FAM184B: variants seen among roughly 807,000 people sequenced by gnomAD.
The protein encoded by FAM184B is protein FAM184B.
A neutral mutation model predicts 135.9 loss-of-function variants in FAM184B; 111 were observed. The observed-to-expected ratio is 0.82, with a 90% CI of 0.70 to 0.96. The LOEUF is 0.96. Ranked by LOEUF, FAM184B falls within the 40% of genes least tolerant of loss-of-function variation. The pLI, the probability that FAM184B is intolerant of heterozygous loss-of-function variation, is 0.00. For missense variants in FAM184B, 1,375 were observed against 1,323.9 expected, an observed-to-expected ratio of 1.04 and a Z score of -0.60; for synonymous variants, 552 against 524.8, an observed-to-expected ratio of 1.05 and a Z score of -0.71.
At chr4:17,742,886 C>T (rs894139995) in intron 1 of FAM184B, among the ~76,000 whole-genome samples, 1 of 152,258 alleles carries the variant, frequency 6.6e-6, no homozygotes, top group Admixed American at 6.5e-5. Flanking sequence ...GGGGCTGCCA[C>T]TCTGACCCTC....
At chr4:17,766,953 C>T (rs563525988) in intron 1 of FAM184B, among the ~76,000 whole-genome samples, 29 of 152,310 alleles carry the variant, frequency 1.9e-4, no homozygotes, top group African/African-American at 3.4e-4. Context: ...CCCTGCCCCG[C>T]GGGGAGGCAC....
intron 10 of FAM184B, among the ~76,000 whole-genome samples, chr4:17,656,939 A>G (rs1206440144): frequency 6.6e-6 from 1 of 152,150 alleles, no homozygotes; most frequent in Non-Finnish European, 1.5e-5. Flanking sequence ...TGAGACTATG[A>G]ATTGTCTTCC....
chr4:17,641,461 C>CTTTTTTTTTTTTTTT lies in FAM184B; in HGVS notation c.2519+580_2519+594dup, dbSNP rs71167316. Among the ~76,000 whole-genome samples, 3 of 45,700 alleles carry CTTTTTTTTTTTTTTT rather than the reference C, an allele frequency of 6.6e-5. 1 individual carries two copies. Among genetic ancestry groups the CTTTTTTTTTTTTTTT allele is most frequent in the African/African-American group, 2.5e-4 (3 of 11,868 alleles). The allele number at this position is 45,700 out of a possible 152,430, so 30.0% of individuals were successfully genotyped here. The stretch of plus-strand genomic sequence containing the variant: ...TGCAGGGAAACAAACAGGACTCCCT[C>CTTTTTTTTTTTTTTT]TTTTTTTTTTTTTTTTTTTTTTTTT... On this transcript the variant is annotated intron_variant, in intron 13 of 17. Coordinates refer to ENST00000265018, the MANE Select transcript of FAM184B (RefSeq NM_015688.2).
At chr4:17,690,422 TGAA>T (rs1716706276) in intron 6 of FAM184B, among the ~76,000 whole-genome samples, 1 of 152,088 alleles carries the variant, frequency 6.6e-6, no homozygotes, top group African/African-American at 2.4e-5. Context: ...GCCCAAATTG[TGAA>T]GAAGATGGGG....
intron 1 of FAM184B, among the ~76,000 whole-genome samples, chr4:17,764,800 C>A (rs566313377): frequency 6.6e-6 from 1 of 152,206 alleles, no homozygotes; most frequent in Non-Finnish European, 1.5e-5. Context: ...CGCGGTGGCT[C>A]ACGCCTGTAA....
At chr4:17,712,356 A>G (rs558601024) in intron 1 of FAM184B, among the ~76,000 whole-genome samples, 23 of 152,322 alleles carry the variant, frequency 1.5e-4, no homozygotes, top group African/African-American at 5.3e-4. Flanking sequence ...AGACGTCCTC[A>G]CTGAGAACAA....
chr4:17,658,930 C>G (rs1715845117), intron 9 of FAM184B, among the ~76,000 whole-genome samples: 1 of 152,092 alleles, frequency 6.6e-6, no homozygotes, highest in African/African-American at 2.4e-5. Flanking sequence ...TCCCCCAACT[C>G]CACATCCCCC....
chr4:17,747,683 A>C (rs1367254598), intron 1 of FAM184B, among the ~76,000 whole-genome samples: 1 of 151,966 alleles, frequency 6.6e-6, no homozygotes, highest in Admixed American at 6.6e-5. Flanking sequence ...GCACTTTGGG[A>C]GGCCGAGGCG....
rs1447377119 is a variant in FAM184B at position 17,650,946 on chromosome 4, C to T, written c.2191+1884G>A. Among the ~76,000 whole-genome samples, 3 of 152,020 alleles carry T rather than the reference C, an allele frequency of 2.0e-5. No individual in the cohort carries two copies. The East Asian group carries it at 5.8e-4, about 29-fold the overall frequency. On this transcript the variant is annotated intron_variant, in intron 11 of 17. Transcript: ENST00000265018. ...TGGGGGTCTTGCTATGTTGTCCAGGCTGGTCTTGAACTACTGACCTCACGT... is the reference window on the plus strand; with the variant it reads ...TGGGGGTCTTGCTATGTTGTCCAGGTTGGTCTTGAACTACTGACCTCACGT...
At chr4:17,651,710 T>C (rs2108936955) in intron 11 of FAM184B, among the ~76,000 whole-genome samples, 1 of 152,246 alleles carries the variant, frequency 6.6e-6, no homozygotes, top group East Asian at 1.9e-4. Flanking sequence ...ATTATCCTCA[T>C]TTTAGAGATG....
intron 1 of FAM184B, among the ~76,000 whole-genome samples, chr4:17,736,437 GT>G (rs1717910569): frequency 6.6e-6 from 1 of 152,154 alleles, no homozygotes; most frequent in Non-Finnish European, 1.5e-5. Flanking sequence ...GTTAAGCTGT[GT>G]TTAAAAAAAC....
intron 2 of FAM184B, among the ~76,000 whole-genome samples, chr4:17,708,663 C>CTATATGTATATA (rs1717169530): frequency 5.9e-5 from 1 of 16,978 alleles, no homozygotes; most frequent in Non-Finnish European, 1.0e-4. Flanking sequence ...GGAAACAAAA[C>CTATATGTATATA]TATATATATA....
rs2108966343 is a variant in FAM184B at position 17,709,296 on chromosome 4, G to C, written c.490C>G (p.His164Asp). 1 of 1,549,412 alleles carries C rather than the reference G, an allele frequency of 6.5e-7. No individual in the cohort carries two copies. Among genetic ancestry groups the C allele is most frequent in the African/African-American group, 1.4e-5 (1 of 73,150 alleles). The change falls in exon 2 of 18, where the codon CAC (histidine) becomes GAC (aspartate). Residue 164 changes from histidine to aspartate, a missense_variant. His to Asp is a moderately conservative substitution (Grantham distance 81, BLOSUM62 -1). Coordinates refer to ENST00000265018, the MANE Select transcript of FAM184B (RefSeq NM_015688.2). Reference sequence around the variant, plus strand: ...GGGGTAGCCTCGTGGCTCGTCAGGTGCTGGAGCCTCCTCTCGTAGTCAGCC... The same window carrying C: ...GGGGTAGCCTCGTGGCTCGTCAGGTCCTGGAGCCTCCTCTCGTAGTCAGCC... The part of the protein sequence containing the change: ...LKADYERRLQ[H>D]LTSHEATPQG...
intron 11 of FAM184B, among the ~76,000 whole-genome samples, chr4:17,650,016 G>A (rs1007991192): frequency 6.6e-6 from 1 of 150,606 alleles, no homozygotes; most frequent in African/African-American, 2.5e-5. Context: ...CCATCCATCT[G>A]TGTGTCCACC....
rs1715086162 is a variant in FAM184B, at chr4:17,635,098, G to T, written c.2800C>A (p.His934Asn). ...ATGGCACTGGGGAATGCTGCGTAGTGAAATCTTCTCTCTTCCTAGAAAACC... is the reference window on the plus strand; with the variant it reads ...ATGGCACTGGGGAATGCTGCGTAGTTAAATCTTCTCTCTTCCTAGAAAACC... ...IKQLTEERRF[H>N]YAAFPSAMSH... The change falls in exon 16 of 18, where the codon CAC becomes AAC. Residue 934 changes from histidine to asparagine, a missense_variant. By Grantham distance (68) the His-to-Asn change is moderately conservative (BLOSUM62 1). Coordinates refer to ENST00000265018, the MANE Select transcript of FAM184B (RefSeq NM_015688.2). 1 of 1,551,402 alleles carries T rather than the reference G, an allele frequency of 6.4e-7. No individual in the cohort carries two copies. Among genetic ancestry groups the T allele is most frequent in the African/African-American group, 1.4e-5 (1 of 73,042 alleles).
chr4:17,722,437 T>G (rs1301074615), intron 1 of FAM184B, among the ~76,000 whole-genome samples: 2 of 152,190 alleles, frequency 1.3e-5, no homozygotes, highest in Non-Finnish European at 1.5e-5. Flanking sequence ...CAAATGAGCT[T>G]GGAATGGATT....
intron 1 of FAM184B, among the ~76,000 whole-genome samples, chr4:17,732,823 C>T (rs1225769220): frequency 6.6e-6 from 1 of 152,166 alleles, no homozygotes; most frequent in Non-Finnish European, 1.5e-5. Context: ...GGAATCCTCC[C>T]TAACTCATTT....
rs1716782574 is a variant in FAM184B, at chr4:17,693,403, C to T, written c.1387G>A (p.Ala463Thr). The change falls in exon 6 of 18, where the codon GCA (alanine) becomes ACA (threonine). Residue 463 changes from alanine (A) to threonine (T), a missense_variant. By Grantham distance (58) the Ala-to-Thr change is moderately conservative (BLOSUM62 0). Transcript: ENST00000265018. ...TTCTTCCTCACTTCCTCCAACTGTG[C>T]TTCTACTTCCTAAATGATGATTGGA... ...ERKKLQREVE[A>T]QLEEVRKKSE... 4 of 1,551,288 alleles carry T rather than the reference C, an allele frequency of 2.6e-6. No individual in the cohort carries two copies. Among genetic ancestry groups the T allele is most frequent in the East Asian group, 2.4e-5 (1 of 40,938 alleles).
chr4:17,756,848 TG>T (rs1718435175), intron 1 of FAM184B, among the ~76,000 whole-genome samples: 1 of 152,112 alleles, frequency 6.6e-6, no homozygotes, highest in African/African-American at 2.4e-5. Context: ...CACTTGAACC[TG>T]GGAGGTGGAG....
Sources: allele counts gnomAD v4.1 joint callset (sites outside exome capture counted in the v4.1 genomes callset), GRCh38; gene constraint gnomAD v4.1.1; transcripts MANE v1.5; gene names NCBI Gene and HGNC (gene_info 2026-07-23, HGNC 2026-07-21).